The following MAPK4 variants were observed in gnomAD, a reference collection of about 807,000 sequenced individuals.
The protein encoded by MAPK4 is mitogen-activated protein kinase 4.
MAPK4 carries 22 observed loss-of-function variants against 47.7 expected under a neutral mutation model. That is an observed-to-expected ratio of 0.46 (90% CI 0.33 to 0.66). The LOEUF (loss-of-function observed/expected upper bound fraction) is 0.66. MAPK4 is among the 30% of genes least tolerant of loss of function. The probability of loss-of-function intolerance (pLI) is 0.02; values close to 1 mark genes in which losing one functional copy is unlikely to be tolerated. For missense variants in MAPK4, 736 were observed against 831.7 expected (o/e 0.88, Z 1.42); for synonymous variants, 390 against 365.7 (o/e 1.07, Z -0.76).
At chr18:50,713,769 A>T (rs908111516) in intron 2 of MAPK4, among the ~76,000 whole-genome samples, 2 of 152,216 alleles carry the variant, frequency 1.3e-5, no homozygotes, top group African/African-American at 4.8e-5. Flanking sequence ...TGCACAAAGG[A>T]CAGAAGAAGA....
intron 5 of MAPK4, 92 bp downstream of exon 5, chr18:50,726,267 C>A: frequency 8.0e-7 from 1 of 1,251,918 alleles, no homozygotes; most frequent in Non-Finnish European, 1.1e-6. Context: ...CCTCTGTCTC[C>A]CAAGTTGCAT....
Position 50,729,355 on chromosome 18 carries a change from C to CG in MAPK4, c.1265_1266insG (p.Asp423ArgfsTer138). 1 of 1,581,262 alleles carries CG rather than the reference C, an allele frequency of 6.3e-7. No individual in the cohort carries two copies. On this transcript the variant is annotated frameshift_variant, in exon 6 of 6. Coordinates refer to ENST00000400384, the MANE Select transcript of MAPK4 (RefSeq NM_002747.4). LOFTEE classifies it high-confidence loss of function. ...TCGTCCATGGAGCGCGCCTTCGAGG[C>CG]CGACTACGGGCGCTCCTGCGACTAC...
intron 1 of MAPK4, among the ~76,000 whole-genome samples, chr18:50,590,718 A>G (rs2042429686): frequency 6.6e-6 from 1 of 152,250 alleles, no homozygotes; most frequent in South Asian, 2.1e-4. Flanking sequence ...AAGCCCTAAT[A>G]TGAGCTGTGC....
intron 2 of MAPK4, among the ~76,000 whole-genome samples, chr18:50,696,461 C>T (rs16952420): frequency 0.014 from 2,167 of 151,950 alleles, 47 homozygotes; most frequent in African/African-American, 0.049. Flanking sequence ...TTGAGGTGGG[C>T]GGCATCTCCT....
chr18:50,700,573 C>A (rs560974610), intron 2 of MAPK4, among the ~76,000 whole-genome samples: 82 of 152,278 alleles, frequency 5.4e-4, no homozygotes, highest in African/African-American at 1.8e-3. Flanking sequence ...TGGGCAGGAC[C>A]CACCAACCAG....
At chr18:50,622,718 A>G (rs1388896695) in intron 1 of MAPK4, among the ~76,000 whole-genome samples, 7 of 152,212 alleles carry the variant, frequency 4.6e-5, no homozygotes, top group Non-Finnish European at 8.8e-5. Context: ...ATAGGTTTGG[A>G]ACTACAGCAT....
At chr18:50,622,261 A>T (rs561384735) in intron 1 of MAPK4, among the ~76,000 whole-genome samples, 18 of 152,274 alleles carry the variant, frequency 1.2e-4, no homozygotes, top group African/African-American at 4.3e-4. Context: ...CTTGAAGGGC[A>T]TTTGTTATTC....
rs2276184 is a variant in MAPK4, at chr18:50,640,189, C to G, written c.-870-22900C>G. Among the ~76,000 whole-genome samples the G allele has an allele frequency of 3.3e-5, 5 of 152,158 alleles. No individual in the cohort carries two copies. In the East Asian group the frequency reaches 9.7e-4, roughly 29 times the overall value. On this transcript the variant is annotated intron_variant, in intron 1 of 5. Transcript: ENST00000400384. The stretch of plus-strand genomic sequence containing the variant: ...CACACTAGCAGTAGAAGAGTCCCTT[C>G]CTGTCAACAATGAAGCATTTGGAAG...
intron 2 of MAPK4, among the ~76,000 whole-genome samples, chr18:50,676,492 T>C (rs79493430): frequency 0.028 from 4,276 of 152,334 alleles, 109 homozygotes; most frequent in African/African-American, 0.063. Flanking sequence ...TAAAAGTGTT[T>C]TGAGACTCAG....
chr18:50,687,026 CAT>C (rs1443281203), intron 2 of MAPK4, among the ~76,000 whole-genome samples: 1 of 152,184 alleles, frequency 6.6e-6, no homozygotes, highest in African/African-American at 2.4e-5. Context: ...CATATAAAAA[CAT>C]AGATGAAAAT....
chr18:50,728,607 C>T (rs1911332459), intron 5 of MAPK4, among the ~76,000 whole-genome samples: 2 of 152,150 alleles, frequency 1.3e-5, no homozygotes, highest in South Asian at 2.1e-4. Context: ...TTTTTAATTC[C>T]CCTATGTGAC....
chr18:50,677,293 C>T (rs775266584), intron 2 of MAPK4, among the ~76,000 whole-genome samples: 4 of 152,262 alleles, frequency 2.6e-5, no homozygotes, highest in Non-Finnish European at 5.9e-5. Context: ...AACAATGGTT[C>T]GACAAGGCAT....
chr18:50,712,875 C>T (rs1035792668), intron 2 of MAPK4, among the ~76,000 whole-genome samples: 1 of 152,188 alleles, frequency 6.6e-6, no homozygotes, highest in African/African-American at 2.4e-5. Context: ...TAAAACCAGA[C>T]TATTTTTTTA....
chr18:50,717,722 C>T (rs1200860181), intron 3 of MAPK4, among the ~76,000 whole-genome samples: 2 of 152,178 alleles, frequency 1.3e-5, no homozygotes, highest in African/African-American at 2.4e-5. Context: ...TCAAGATTCC[C>T]TGTGGCCCCA....
At chr18:50,650,456 A>G (rs1187393405) in intron 1 of MAPK4, among the ~76,000 whole-genome samples, 2 of 152,046 alleles carry the variant, frequency 1.3e-5, no homozygotes, top group African/African-American at 2.4e-5. Context: ...CCACCGATGC[A>G]TGTGGGCATG....
At chr18:50,577,785 C>T (rs762833517) in intron 1 of MAPK4, among the ~76,000 whole-genome samples, 7 of 152,274 alleles carry the variant, frequency 4.6e-5, no homozygotes, top group South Asian at 2.1e-4. Context: ...ATTCAGCTCA[C>T]GACCACAGCC....
At chr18:50,704,388 A>AGT (rs1225327121) in intron 2 of MAPK4, 1 of 394,954 alleles carries the variant, frequency 2.5e-6, no homozygotes, top group African/African-American at 2.1e-5. Flanking sequence ...GCATGCCTGT[A>AGT]GTCCCAACTA....
Position 50,715,209 on chromosome 18 carries a change from G to C in MAPK4, c.677G>C (p.Arg226Thr). The change falls in exon 3 of 6, where the codon AGA becomes ACA. Residue 226 changes from arginine (R) to threonine (T), a missense_variant. By Grantham distance (71) the Arg-to-Thr change is moderately conservative (BLOSUM62 -1). This residue lies in a region of MAPK4 where 327 missense variants were observed against 395.4 expected (regional missense o/e 0.83). Transcript: ENST00000400384. Reference protein sequence around the residue: ...GCILAEMLTGRMLFAGAHELE... With the variant: ...GCILAEMLTGTMLFAGAHELE... Reference sequence around the variant, plus strand: ...ATCCTGGCTGAGATGCTTACGGGGAGAATGCTCTTTGCTGGTGAGTTGCTA... The same window carrying C: ...ATCCTGGCTGAGATGCTTACGGGGACAATGCTCTTTGCTGGTGAGTTGCTA... The C allele has an allele frequency of 1.9e-6, 3 of 1,613,876 alleles. No homozygotes were observed. The highest frequency in any genetic ancestry group is 2.5e-6 in the Non-Finnish European group (3 of 1,179,938).
intron 2 of MAPK4, among the ~76,000 whole-genome samples, chr18:50,683,453 G>GGTGTGTGTGT (rs3045776): frequency 0.024 from 3,433 of 142,176 alleles, 59 homozygotes; most frequent in East Asian, 0.1. Flanking sequence ...TTGGTGATGG[G>GGTGTGTGTGT]GTGTGTGTGT....
Sources: gnomAD v4.1 joint callset for allele counts (sites outside exome capture counted in the v4.1 genomes callset) on GRCh38, gnomAD v4.1.1 for gene constraint, gnomAD v4.1.1 regional missense constraint, MANE v1.5 for transcripts, NCBI Gene and HGNC (gene_info 2026-07-23, HGNC 2026-07-21) for gene names.